The following VGLL1 variants were observed in gnomAD, a reference collection of about 807,000 sequenced individuals.
VGLL1 encodes the protein vestigial like family member 1, also known as transcription cofactor vestigial-like protein 1.
Under a neutral mutation model 12.0 loss-of-function variants are expected in VGLL1, and 4 were observed. The observed-to-expected ratio is 0.33, with a 90% CI of 0.16 to 0.76. The LOEUF (loss-of-function observed/expected upper bound fraction) is 0.76. Among genes scored for constraint, VGLL1 ranks in the 30% least tolerant of loss-of-function variants. The pLI is 0.60. For synonymous variants in VGLL1, 87 were observed against 81.2 expected, an observed-to-expected ratio of 1.07 and a Z score of -0.39; for missense variants, 204 against 208.7, an observed-to-expected ratio of 0.98 and a Z score of 0.14.
At chrX:136,539,996 C>T (rs755213656) in intron 2 of VGLL1, among the ~76,000 whole-genome samples, 2 of 111,538 alleles carry the variant, frequency 1.8e-5, no homozygotes, top group Non-Finnish European at 3.8e-5. Context: ...TGTGTAGGTT[C>T]TATCTTCAAA....
At chrX:136,538,957 T>A (rs1304576769) in intron 2 of VGLL1, among the ~76,000 whole-genome samples, 1 of 110,640 alleles carries the variant, frequency 9.0e-6, no homozygotes, top group Non-Finnish European at 1.9e-5. Context: ...GTGTGCTGAA[T>A]AATCACAACA....
intron 2 of VGLL1, among the ~76,000 whole-genome samples, chrX:136,538,962 A>G (rs772745347): frequency 3.6e-5 from 4 of 110,908 alleles, no homozygotes; most frequent in Non-Finnish European, 5.7e-5. Flanking sequence ...CTGAATAATC[A>G]CAACAGAAGC....
At chrX:136,532,629 CTTTCTTTCT>C (rs1208886520) in intron 1 of VGLL1, among the ~76,000 whole-genome samples, 3 of 94,174 alleles carry the variant, frequency 3.2e-5, no homozygotes, top group African/African-American at 1.2e-4. Context: ...TTCTTTCTTT[CTTTCTTTCT>C]TTCTTTCTTT....
chrX:136,534,082 A>T (rs943386885), intron 1 of VGLL1, among the ~76,000 whole-genome samples: 3 of 112,655 alleles, frequency 2.7e-5, no homozygotes. Flanking sequence ...ATTGCTTTAT[A>T]ATTCATAACA....
At chrX:136,536,932 A>G (rs142891973) in intron 2 of VGLL1, among the ~76,000 whole-genome samples, 364 of 112,338 alleles carry the variant, frequency 3.2e-3, no homozygotes, top group Non-Finnish European at 5.2e-3. Flanking sequence ...AGACTAAAAC[A>G]TAAATTAGAA....
rs1361124554 is a variant in VGLL1 at position 136,556,554 on chromosome X, AAAGACAACACTTGGTCT to A, written c.*22_*38del. 8.4e-7 allele frequency: 1 copy of A among 1,189,756 alleles called. No homozygotes were observed. The highest frequency in any genetic ancestry group is 1.8e-5 in the African/African-American group (1 of 56,767). ...AGCATCTTTAGTCAAGTTGGAGGAG[AAAGACAACACTTGGTCT>A]AAGACACGGCAGCAAGACATCCCTG... On this transcript the variant is annotated 3_prime_UTR_variant, in exon 5 of 5. Transcript: ENST00000370634.
intron 3 of VGLL1, 68 bp downstream of exon 3, chrX:136,549,076 T>C: frequency 9.3e-7 from 1 of 1,074,298 alleles, no homozygotes; most frequent in African/African-American, 1.8e-5. Flanking sequence ...TGAGTTGGCA[T>C]GAGATGAGGT....
chrX:136,554,616 G>A (rs1158727108), intron 4 of VGLL1, among the ~76,000 whole-genome samples: 2 of 111,953 alleles, frequency 1.8e-5, no homozygotes, highest in East Asian at 5.6e-4. Context: ...TGGAGAAAGG[G>A]AAGAATGAAA....
chrX:136,553,819 G>C (rs1245481547), intron 4 of VGLL1, among the ~76,000 whole-genome samples: 1 of 111,766 alleles, frequency 8.9e-6, no homozygotes, highest in Non-Finnish European at 1.9e-5. Context: ...TATGAAGCAG[G>C]GGCATGTGGA....
chrX:136,544,362 C>A (rs1182705160), intron 2 of VGLL1, among the ~76,000 whole-genome samples: 2 of 112,351 alleles, frequency 1.8e-5, no homozygotes, highest in East Asian at 5.5e-4. Flanking sequence ...AAAGAGTACA[C>A]ACAAATTTTA....
At chrX:136,555,368 C>T (rs1169094013) in intron 4 of VGLL1, among the ~76,000 whole-genome samples, 14 of 111,418 alleles carry the variant, frequency 1.3e-4, no homozygotes, top group Non-Finnish European at 1.9e-5. Flanking sequence ...ATAGTAAATT[C>T]GAGGAGCTTC....
chrX:136,553,545 C>A (rs2075892989), intron 4 of VGLL1, among the ~76,000 whole-genome samples: 2 of 111,749 alleles, frequency 1.8e-5, no homozygotes, highest in South Asian at 7.5e-4. Context: ...CTCCTGACCT[C>A]AGGTGATCAG....
In VGLL1 at chrX:136,552,354, C is replaced by T. The variant is rs766919378; in HGVS notation, c.688+1533C>T. Among the ~76,000 whole-genome samples, 152 of 112,181 alleles carry T rather than the reference C, an allele frequency of 1.4e-3. 1 individual carries two copies. The highest frequency in any genetic ancestry group is 4.5e-3 in the African/African-American group (139 of 30,887). ...CTTAGCATAGCCAAGGCAGGCATCACATAAGTCCCTGCCCAAGGAAATGAG... is the reference window on the plus strand; with the variant it reads ...CTTAGCATAGCCAAGGCAGGCATCATATAAGTCCCTGCCCAAGGAAATGAG... On this transcript the variant is annotated intron_variant, in intron 4 of 4. Transcript: ENST00000370634.
chrX:136,554,736 G>T (rs1019201203), intron 4 of VGLL1, among the ~76,000 whole-genome samples: 7 of 111,777 alleles, frequency 6.3e-5, no homozygotes, highest in Non-Finnish European at 1.1e-4. Flanking sequence ...ACTTGGTAAT[G>T]GATTAAATAG....
intron 4 of VGLL1, among the ~76,000 whole-genome samples, chrX:136,554,884 C>A (rs2075897052): frequency 8.9e-6 from 1 of 112,376 alleles, no homozygotes; most frequent in Admixed American, 9.4e-5. Flanking sequence ...ACCTTTTAAA[C>A]AGTTGTATAT....
chrX:136,554,992 C>T (rs1268257110), intron 4 of VGLL1, among the ~76,000 whole-genome samples: 2 of 111,786 alleles, frequency 1.8e-5, no homozygotes, highest in African/African-American at 3.3e-5. Flanking sequence ...AGTCAGAGGA[C>T]GTAGACATAG....
intron 3 of VGLL1, among the ~76,000 whole-genome samples, chrX:136,550,243 G>C (rs1408092105): frequency 8.9e-6 from 1 of 112,620 alleles, no homozygotes; most frequent in African/African-American, 3.2e-5. Context: ...TAGGCCAACT[G>C]TGCTTGTATA....
intron 2 of VGLL1, among the ~76,000 whole-genome samples, chrX:136,546,047 C>T (rs1372979821): frequency 1.8e-5 from 2 of 111,496 alleles, no homozygotes; most frequent in East Asian, 5.6e-4. Context: ...AAGAAAAATC[C>T]TAGCCTGCCC....
intron 4 of VGLL1, among the ~76,000 whole-genome samples, chrX:136,555,550 G>C (rs2075898852): frequency 9.0e-6 from 1 of 111,729 alleles, no homozygotes; most frequent in Admixed American, 9.5e-5. Flanking sequence ...AAGTCATTGA[G>C]AAGACAGAAG....
Sources: allele counts gnomAD v4.1 joint callset (sites outside exome capture counted in the v4.1 genomes callset), GRCh38; gene constraint gnomAD v4.1.1; transcripts MANE v1.5; gene names NCBI Gene and HGNC (gene_info 2026-07-23, HGNC 2026-07-21).